Variants in GLIS1 observed in about 807,000 individuals in gnomAD.
GLIS1 encodes the protein GLIS family zinc finger 1, also known as zinc finger protein GLIS1.
A neutral mutation model predicts 63.8 loss-of-function variants in GLIS1; 24 were observed. The ratio of observed to expected loss-of-function variants is 0.38; its 90% CI spans 0.27 to 0.53. GLIS1 has a LOEUF of 0.53. Among genes scored for constraint, GLIS1 ranks in the 20% least tolerant of loss-of-function variants. The pLI, the probability that GLIS1 is intolerant of heterozygous loss-of-function variation, is 0.85. For missense variants in GLIS1, 1,036 were observed against 1,074.1 expected (o/e 0.96, Z 0.50); for synonymous variants, 450 against 482.5 (o/e 0.93, Z 0.88).
chr1:53,530,178 G>T (rs985347032), intron 4 of GLIS1, among the ~76,000 whole-genome samples: 4 of 152,230 alleles, frequency 2.6e-5, no homozygotes, highest in Non-Finnish European at 5.9e-5. Flanking sequence ...GAAATAGGGC[G>T]TGAGGGCTGG....
chr1:53,534,174 A>G (rs1644559760), intron 4 of GLIS1, among the ~76,000 whole-genome samples: 2 of 151,972 alleles, frequency 1.3e-5, no homozygotes, highest in African/African-American at 4.8e-5. Context: ...GGGGGCACAG[A>G]TGCTGCAGAA....
chr1:53,610,344 G>A (rs1557479736), intron 2 of GLIS1, among the ~76,000 whole-genome samples: 2 of 152,056 alleles, frequency 1.3e-5, no homozygotes, highest in South Asian at 2.1e-4. Flanking sequence ...TTTAAAAATT[G>A]TAAGCCTACT....
At chr1:53,525,460 G>T in intron 5 of GLIS1, among the ~76,000 whole-genome samples, 1 of 28,366 alleles carries the variant, frequency 3.5e-5, no homozygotes, top group Non-Finnish European at 7.6e-5. Context: ...CACAGGGCTG[G>T]GGAGGCTGGG....
At chr1:53,521,298 G>A (rs1420407760) in intron 6 of GLIS1, among the ~76,000 whole-genome samples, 8 of 152,130 alleles carry the variant, frequency 5.3e-5, no homozygotes, top group South Asian at 2.1e-4. Context: ...GTGAATGGAC[G>A]CGGTAGGAAT....
rs558872697 is a variant in GLIS1 at position 53,637,855 on chromosome 1, C to T, written c.260-37577G>A. On this transcript the variant is annotated intron_variant, in intron 2 of 10. Coordinates refer to ENST00000628545, the MANE Select transcript of GLIS1 (RefSeq NM_001367484.1). The stretch of plus-strand genomic sequence containing the variant: ...CAGTGATGGCCAGACCTGGGCCAGA[C>T]AGTCAGGGGAGAGAAGCGTGTTCCT... Among the ~76,000 whole-genome samples, 10 of 152,284 alleles carry T rather than the reference C, an allele frequency of 6.6e-5. No individual in the cohort carries two copies. In the South Asian group the frequency reaches 2.1e-3, roughly 32 times the overall value.
chr1:53,683,300 C>T (rs190056319), intron 2 of GLIS1, among the ~76,000 whole-genome samples: 2 of 152,282 alleles, frequency 1.3e-5, no homozygotes, highest in Admixed American at 6.5e-5. Flanking sequence ...ATCCTCACAC[C>T]GCGTGAATGT....
chr1:53,672,545 C>G (rs1335992138), intron 2 of GLIS1, among the ~76,000 whole-genome samples: 1 of 152,190 alleles, frequency 6.6e-6, no homozygotes. Flanking sequence ...TCAGAACATC[C>G]CCTATCATTG....
intron 2 of GLIS1, among the ~76,000 whole-genome samples, chr1:53,730,332 ACAT>A (rs1646848013): frequency 6.6e-6 from 1 of 152,212 alleles, no homozygotes. Context: ...TTGGCAAAAT[ACAT>A]CATCAACTCT....
At chr1:53,544,495 C>T (rs1232748493) in intron 4 of GLIS1, among the ~76,000 whole-genome samples, 1 of 152,228 alleles carries the variant, frequency 6.6e-6, no homozygotes, top group Non-Finnish European at 1.5e-5. Context: ...ATCATCTCTC[C>T]TGCAGCAGGG....
At chr1:53,556,130 T>TTG (rs915987105) in intron 4 of GLIS1, among the ~76,000 whole-genome samples, 2 of 80,478 alleles carry the variant, frequency 2.5e-5, no homozygotes, top group Admixed American at 1.4e-4. Context: ...TACTGTAGGT[T>TTG]TGTGTGTGTG....
At chr1:53,680,545 A>G (rs994316900) in intron 2 of GLIS1, among the ~76,000 whole-genome samples, 1 of 152,228 alleles carries the variant, frequency 6.6e-6, no homozygotes, top group Non-Finnish European at 1.5e-5. Flanking sequence ...CCTTGACAAC[A>G]TTAAATAACA....
Position 53,594,712 on chromosome 1 carries a change from C to T in GLIS1, c.716G>A (p.Arg239Gln), listed in dbSNP as rs141896325. ...GGGGGGTAGGCCCAAGACGCAGCAC[C>T]GCTTCAGGCTGCCCTCGGGGAGGTG... The part of the protein sequence containing the change: ...ETHLPEGSLK[R>Q]CCVLGLPPTS... The change falls in exon 4 of 11, where the codon CGG becomes CAG. Residue 239 changes from arginine (R) to glutamine (Q), a missense_variant. Arg to Gln is a conservative substitution (Grantham distance 43). Transcript: ENST00000628545. 2.3e-4 allele frequency: 361 copies of T among 1,559,426 alleles called. No homozygotes were observed. Among genetic ancestry groups the T allele is most frequent in the Admixed American group, 2.4e-4 (13 of 54,596 alleles).
intron 4 of GLIS1, among the ~76,000 whole-genome samples, chr1:53,586,944 C>A (rs1645142227): frequency 6.6e-6 from 1 of 150,466 alleles, no homozygotes; most frequent in South Asian, 2.1e-4. Context: ...GTCCCCCAGA[C>A]ACTTGGCCAT....
In GLIS1 at chr1:53,506,714, C is replaced by T; in HGVS notation, c.2293G>A (p.Val765Met). The T allele has an allele frequency of 6.2e-7, 1 of 1,613,386 alleles. No individual in the cohort carries two copies. Among genetic ancestry groups the T allele is most frequent in the Non-Finnish European group, 8.5e-7 (1 of 1,180,002 alleles). ...CAGTCCTCGGGGCCGCTGGACACCACATCTTCAGATGGCTGCTGTGGCAGC... is the reference window on the plus strand; with the variant it reads ...CAGTCCTCGGGGCCGCTGGACACCATATCTTCAGATGGCTGCTGTGGCAGC... ...TALPQQPSEDVVSSGPEDCGF... is the reference protein window; with the variant it reads ...TALPQQPSEDMVSSGPEDCGF... The change falls in exon 11 of 11, where the codon GTG becomes ATG. Residue 765 changes from valine to methionine, a missense_variant. Val to Met is a conservative substitution (Grantham distance 21). Coordinates refer to ENST00000628545, the MANE Select transcript of GLIS1 (RefSeq NM_001367484.1).
chr1:53,657,581 T>C (rs1243967646), intron 2 of GLIS1, among the ~76,000 whole-genome samples: 1 of 152,154 alleles, frequency 6.6e-6, no homozygotes, highest in Non-Finnish European at 1.5e-5. Flanking sequence ...GTGAGAAGCC[T>C]GATGCCCCTG....
chr1:53,643,824 G>C (rs1377606790), intron 2 of GLIS1, among the ~76,000 whole-genome samples: 1 of 152,164 alleles, frequency 6.6e-6, no homozygotes, highest in Non-Finnish European at 1.5e-5. Context: ...GAGGAAATGA[G>C]GCCCTTCCAA....
intron 1 of GLIS1, among the ~76,000 whole-genome samples, chr1:53,738,814 C>T (rs1355078697): frequency 2.6e-5 from 4 of 152,192 alleles, no homozygotes; most frequent in African/African-American, 9.6e-5. Context: ...CACACCCGCA[C>T]ACCCGCCGAG....
intron 4 of GLIS1, among the ~76,000 whole-genome samples, chr1:53,564,136 C>T (rs1227689457): frequency 6.6e-6 from 1 of 152,122 alleles, no homozygotes; most frequent in Admixed American, 6.5e-5. Context: ...AATGGTAATG[C>T]CCTCTAATGC....
At chr1:53,644,970 C>A (rs777679004) in intron 2 of GLIS1, among the ~76,000 whole-genome samples, 2 of 152,210 alleles carry the variant, frequency 1.3e-5, no homozygotes, top group Non-Finnish European at 2.9e-5. Context: ...TCCATGAGGG[C>A]AGCACTTAAT....
Sources: allele counts gnomAD v4.1 joint callset (sites outside exome capture counted in the v4.1 genomes callset), GRCh38; gene constraint gnomAD v4.1.1; transcripts MANE v1.5; gene names NCBI Gene and HGNC (gene_info 2026-07-23, HGNC 2026-07-21).